Variants in RAD51B observed in about 807,000 individuals in gnomAD.
RAD51B encodes RAD51 paralog B, also known as DNA repair protein RAD51 homolog 2.
RAD51B carries 38 observed loss-of-function variants against 42.2 expected under a neutral mutation model. The observed-to-expected ratio is 0.90, with a 90% CI of 0.70 to 1.18. The LOEUF is 1.18. Ranked by LOEUF, RAD51B falls within the 50% of genes most tolerant of loss-of-function variation. RAD51B has a pLI of 0.00. For missense variants in RAD51B, 373 were observed against 400.7 expected (o/e 0.93, Z 0.59); for synonymous variants, 154 against 145.2 (o/e 1.06, Z -0.43).
At chr14:68,654,991 C>G (rs1892780918) in intron 11 of RAD51B, among the ~76,000 whole-genome samples, 1 of 152,166 alleles carries the variant, frequency 6.6e-6, no homozygotes, top group African/African-American at 2.4e-5. Flanking sequence ...GAGTAGGAGG[C>G]TGGGATGGAG....
At chr14:68,099,169 T>G (rs896389311) in intron 7 of RAD51B, among the ~76,000 whole-genome samples, 1 of 152,196 alleles carries the variant, frequency 6.6e-6, no homozygotes, top group Admixed American at 6.5e-5. Flanking sequence ...TCCTACTCTT[T>G]GTTGTGGAAG....
At chr14:68,454,872 T>C (rs987968856) in intron 9 of RAD51B, among the ~76,000 whole-genome samples, 2 of 152,190 alleles carry the variant, frequency 1.3e-5, no homozygotes, top group African/African-American at 4.8e-5. Context: ...ATAGCTACAG[T>C]GGGTTTTATA....
At position 68,274,226 on chromosome 14, in the gene RAD51B, T is replaced by G. The variant is rs2081177638; in HGVS notation, c.757-17658T>G. On this transcript the variant is annotated intron_variant, in intron 7 of 10. Transcript: ENST00000471583. ...CCTTCCATTTCACTCTTCCCCTTCT[T>G]TTTTCCGGTATGATTATATCATAAT... Among the ~76,000 whole-genome samples the G allele has an allele frequency of 1.3e-5, 2 of 152,168 alleles. 1 individual carries two copies. Among genetic ancestry groups the G allele is most frequent in the Middle Eastern group, 6.3e-3 (2 of 316 alleles).
intron 7 of RAD51B, among the ~76,000 whole-genome samples, chr14:68,119,280 T>A (rs1045632093): frequency 1.3e-5 from 2 of 149,614 alleles, no homozygotes; most frequent in Non-Finnish European, 3.0e-5. Context: ...TTTTTTTTTT[T>A]ACAACTATTT....
chr14:68,136,436 A>G (rs1259882120), intron 7 of RAD51B, among the ~76,000 whole-genome samples: 1 of 59,108 alleles, frequency 1.7e-5, no homozygotes, highest in African/African-American at 3.5e-5. Context: ...AAATTAGCTG[A>G]GCATGGTGGC....
intron 9 of RAD51B, among the ~76,000 whole-genome samples, chr14:68,455,950 T>G (rs2140199362): frequency 6.6e-6 from 1 of 152,324 alleles, no homozygotes; most frequent in Non-Finnish European, 1.5e-5. Context: ...AGAATAGAGC[T>G]ATATTGATGC....
chr14:68,278,709 A>C (rs2081268163), intron 7 of RAD51B, among the ~76,000 whole-genome samples: 1 of 152,158 alleles, frequency 6.6e-6, no homozygotes, highest in African/African-American at 2.4e-5. Flanking sequence ...GTGGCTTCTC[A>C]TCTCCTTTCC....
intron 2 of RAD51B, among the ~76,000 whole-genome samples, chr14:67,823,883 G>A (rs1054085843): frequency 2.6e-5 from 4 of 152,148 alleles, no homozygotes; most frequent in African/African-American, 4.8e-5. Context: ...CAGCTTTACT[G>A]TTTTATAGTT....
At chr14:67,998,793 T>G (rs1219075460) in intron 7 of RAD51B, among the ~76,000 whole-genome samples, 1 of 152,190 alleles carries the variant, frequency 6.6e-6, no homozygotes, top group Non-Finnish European at 1.5e-5. Flanking sequence ...TCAAAATGTC[T>G]CACAGTCTTA....
chr14:67,995,114 A>G (rs983976586), intron 7 of RAD51B, among the ~76,000 whole-genome samples: 4 of 152,136 alleles, frequency 2.6e-5, no homozygotes, highest in African/African-American at 9.7e-5. Flanking sequence ...TCGGCCGGGC[A>G]TGGTTGCTCA....
chr14:68,430,096 C>T (rs2084961686), intron 9 of RAD51B, among the ~76,000 whole-genome samples: 1 of 152,088 alleles, frequency 6.6e-6, no homozygotes, highest in Non-Finnish European at 1.5e-5. Flanking sequence ...TGTTCCGTTC[C>T]ATTGGTCTAT....
intron 10 of RAD51B, among the ~76,000 whole-genome samples, chr14:68,561,707 G>T (rs190475038): frequency 1.1e-4 from 17 of 152,308 alleles, no homozygotes; most frequent in South Asian, 4.1e-4. Context: ...TTCTGGACAG[G>T]CCATCAAGCC....
At chr14:68,364,282 T>G (rs918442096) in intron 8 of RAD51B, among the ~76,000 whole-genome samples, 6 of 152,206 alleles carry the variant, frequency 3.9e-5, no homozygotes, top group Admixed American at 3.9e-4. Flanking sequence ...AAGACACCCG[T>G]GAAACAGAGG....
At chr14:67,896,626 T>C (rs932564055) in intron 7 of RAD51B, among the ~76,000 whole-genome samples, 3 of 152,236 alleles carry the variant, frequency 2.0e-5, no homozygotes, top group Admixed American at 2.0e-4. Flanking sequence ...AACTGCTCAC[T>C]GTTTAATTAA....
At chr14:68,226,570 A>G (rs1439845234) in intron 7 of RAD51B, among the ~76,000 whole-genome samples, 5 of 152,224 alleles carry the variant, frequency 3.3e-5, no homozygotes, top group Non-Finnish European at 7.3e-5. Flanking sequence ...GTTCCCCTAC[A>G]TAAGCTCTCT....
intron 7 of RAD51B, among the ~76,000 whole-genome samples, chr14:68,231,664 G>T (rs1458696447): frequency 1.3e-5 from 2 of 152,162 alleles, no homozygotes; most frequent in Non-Finnish European, 2.9e-5. Context: ...AGGTTTACAT[G>T]TATATATTTG....
At chr14:68,037,945 A>G (rs2076159936) in intron 7 of RAD51B, among the ~76,000 whole-genome samples, 1 of 152,222 alleles carries the variant, frequency 6.6e-6, no homozygotes, top group African/African-American at 2.4e-5. Flanking sequence ...TCTCCTTGAA[A>G]GGGAAGGTAG....
At chr14:68,314,322 G>C (rs1035491943) in intron 8 of RAD51B, among the ~76,000 whole-genome samples, 24 of 151,566 alleles carry the variant, frequency 1.6e-4, no homozygotes, top group African/African-American at 4.9e-4. Context: ...CCCTCTTCCT[G>C]CCCGAATGTC....
chr14:68,604,787 GTAC>G lies in RAD51B; in HGVS notation c.1037-6217_1037-6215del, dbSNP rs561687867. 2.6e-3 allele frequency among the ~76,000 whole-genome samples: 332 copies of G among 129,840 alleles called. No individual in the cohort carries two copies. The Middle Eastern group carries it at 0.029, about 11-fold the overall frequency. The allele number at this position is 129,840 out of a possible 152,430, so 85.2% of individuals were successfully genotyped here. On this transcript the variant is annotated intron_variant, in intron 10 of 10. Transcript: ENST00000487861. Reference sequence around the variant, plus strand: ...CAGGGCCACGCTGCTCTGGTCTCATGTACTTTTGTATTCTGGGAGCCTAGCACT... The same window carrying G: ...CAGGGCCACGCTGCTCTGGTCTCATGTTTTGTATTCTGGGAGCCTAGCACT...
Sources: gnomAD v4.1 joint callset for allele counts (sites outside exome capture counted in the v4.1 genomes callset) on GRCh38, gnomAD v4.1.1 for gene constraint, MANE v1.5 for transcripts, NCBI Gene and HGNC (gene_info 2026-07-23, HGNC 2026-07-21) for gene names.